CEP63: variants seen among roughly 807,000 people sequenced by gnomAD.
CEP63 encodes the protein centrosomal protein of 63 kDa.
A neutral mutation model predicts 89.1 loss-of-function variants in CEP63; 84 were observed. The ratio of observed to expected loss-of-function variants is 0.94; its 90% CI spans 0.79 to 1.13. CEP63 has a LOEUF of 1.13. Ranked by LOEUF, CEP63 falls within the 50% of genes most tolerant of loss-of-function variation. The probability of loss-of-function intolerance (pLI) is 0.00; values close to 1 mark genes in which losing one functional copy is unlikely to be tolerated. For synonymous variants in CEP63, 267 were observed against 272.5 expected, an observed-to-expected ratio of 0.98 and a Z score of 0.20; for missense variants, 838 against 813.3, an observed-to-expected ratio of 1.03 and a Z score of -0.37.
the CEP63 span, among the ~76,000 whole-genome samples, chr3:134,668,441 G>C: frequency 2.6e-5 from 4 of 152,170 alleles, no homozygotes; most frequent in Non-Finnish European, 5.9e-5. Context: ...GATAGAGAAA[G>C]GCTGTCCAGG....
chr3:134,498,560 C>T (rs1036316795), intron 2 of CEP63, among the ~76,000 whole-genome samples: 1 of 152,022 alleles, frequency 6.6e-6, no homozygotes, highest in Non-Finnish European at 1.5e-5. Flanking sequence ...TTTTTCTTGC[C>T]TGATTGCTCT....
chr3:134,707,104 G>A, the CEP63 span, among the ~76,000 whole-genome samples: 29 of 152,250 alleles, frequency 1.9e-4, no homozygotes, highest in South Asian at 8.3e-4. Context: ...CAACCACTAC[G>A]GTCTCAAATT....
At chr3:134,585,870 G>A (rs1385239237) in intron 10 of CEP63, among the ~76,000 whole-genome samples, 8 of 152,092 alleles carry the variant, frequency 5.3e-5, no homozygotes, top group South Asian at 2.1e-4. Flanking sequence ...ATGAATCTGG[G>A]TGCTCCTGTA....
downstream of CEP63, among the ~76,000 whole-genome samples, chr3:134,591,135 T>G (rs13088413): frequency 6.6e-6 from 1 of 152,046 alleles, no homozygotes; most frequent in Admixed American, 6.5e-5. Flanking sequence ...ACTCTCACCC[T>G]TGATTGAGAT....
At chr3:134,608,895 C>T in the CEP63 span, 19 of 1,551,414 alleles carry the variant, frequency 1.2e-5, no homozygotes, top group Admixed American at 2.8e-4. Flanking sequence ...GGCAGGGGCC[C>T]AATACACCCA....
the CEP63 span, among the ~76,000 whole-genome samples, chr3:134,683,360 G>A: frequency 6.6e-6 from 1 of 152,142 alleles, no homozygotes; most frequent in Non-Finnish European, 1.5e-5. Context: ...GAGCTGGAAG[G>A]GACCTAGGAG....
At chr3:134,646,071 C>T in the CEP63 span, among the ~76,000 whole-genome samples, 2 of 152,030 alleles carry the variant, frequency 1.3e-5, no homozygotes, top group Non-Finnish European at 2.9e-5. Flanking sequence ...GCTTGCTTGC[C>T]CACTCACCAG....
the CEP63 span, among the ~76,000 whole-genome samples, chr3:134,604,964 C>G: frequency 3.3e-5 from 5 of 152,154 alleles, no homozygotes; most frequent in African/African-American, 1.2e-4. Context: ...GCTTCACTCC[C>G]TGAGACTGTG....
At chr3:134,629,772 A>G in the CEP63 span, 1 of 844,078 alleles carries the variant, frequency 1.2e-6, no homozygotes, top group Non-Finnish European at 2.0e-6. Flanking sequence ...TGATGATTGA[A>G]TAAAAAAACA....
At chr3:134,758,395 G>A in the CEP63 span, among the ~76,000 whole-genome samples, 1 of 152,210 alleles carries the variant, frequency 6.6e-6, no homozygotes, top group Non-Finnish European at 1.5e-5. Context: ...CCCTTAGGGT[G>A]TTGTAGTCGT....
Position 134,532,850 on chromosome 3 carries a change from A to G in CEP63, c.391A>G (p.Asn131Asp). 6.2e-7 allele frequency: 1 copy of G among 1,613,868 alleles called. No individual in the cohort carries two copies. Among genetic ancestry groups the G allele is most frequent in the Non-Finnish European group, 8.5e-7 (1 of 1,179,836 alleles). Residue 131 changes from asparagine (N) to aspartate (D), a missense_variant, in exon 5 of 15, where the codon AAT becomes GAT. Asn to Asp is a conservative substitution (Grantham distance 23). Transcript: ENST00000675561. The part of the protein sequence containing the change: ...QMREFRGNTK[N>D]HREDRSEIER... The stretch of plus-strand genomic sequence containing the variant: ...GAGGGAATTCAGAGGAAATACCAAA[A>G]ATCACAGGGAAGATCGGTCTGAAAT...
chr3:134,757,041 G>A, the CEP63 span, among the ~76,000 whole-genome samples: 7 of 152,266 alleles, frequency 4.6e-5, no homozygotes, highest in African/African-American at 1.4e-4. Context: ...CTGCTCTCAG[G>A]TTCTGAGCCT....
intron 14 of CEP63, among the ~76,000 whole-genome samples, chr3:134,559,846 T>G (rs1198047931): frequency 2.0e-5 from 3 of 152,186 alleles, no homozygotes; most frequent in African/African-American, 7.2e-5. Context: ...GCCTCTGATG[T>G]GTGCAGAGCA....
chr3:134,542,389 A>G (rs1206939855), intron 6 of CEP63, among the ~76,000 whole-genome samples: 4 of 152,180 alleles, frequency 2.6e-5, no homozygotes, highest in Non-Finnish European at 4.4e-5. Flanking sequence ...AAAAGTTCGT[A>G]GTAGCATAGA....
At chr3:134,535,622 T>TGACA (rs1334808813) in intron 5 of CEP63, 1 of 152,126 alleles carries the variant, frequency 6.6e-6, no homozygotes, top group East Asian at 1.9e-4. Flanking sequence ...CGCCTCTTCA[T>TGACA]GACAGAATAA....
At chr3:134,608,689 C>G in the CEP63 span, 1 of 1,614,050 alleles carries the variant, frequency 6.2e-7, no homozygotes, top group South Asian at 1.1e-5. Context: ...CACTCAGCAT[C>G]CCTTTGTTGT....
the CEP63 span, among the ~76,000 whole-genome samples, chr3:134,744,513 C>T: frequency 1.1e-4 from 17 of 152,186 alleles, no homozygotes; most frequent in Non-Finnish European, 2.2e-4. Flanking sequence ...ACTTCTCTCT[C>T]TTCAAAGCAT....
chr3:134,568,000 G>C (rs1042456942), downstream of CEP63, among the ~76,000 whole-genome samples: 12 of 152,208 alleles, frequency 7.9e-5, no homozygotes, highest in Admixed American at 7.2e-4. Flanking sequence ...GCATGACTGG[G>C]CAAAGTAAAG....
rs374940086 is a variant in CEP63 at position 134,574,865 on chromosome 3, C to A, written c.1402C>A (p.Pro468Thr). 1.9e-5 allele frequency: 11 copies of A among 580,810 alleles called. 1 individual carries two copies. Among genetic ancestry groups the A allele is most frequent in the African/African-American group, 1.9e-4 (10 of 52,886 alleles). The allele number at this position is 580,810 out of a possible 1,614,324, so 36.0% of individuals were successfully genotyped here. A position where few individuals can be genotyped will look rare whatever the true frequency, so the allele number is the denominator to read the frequency against. ...TCAAGCAATCCGCCAGCCTCAGCGT[C>A]CCAAAGTGCTGGAATTACAAGTGTG... Residue 468 changes from proline (P) to threonine (T), a missense_variant, in exon 12 of 12, where the codon CCC becomes ACC. Physicochemically the swap from Pro to Thr is conservative, Grantham distance 38. Coordinates refer to the CEP63 transcript ENST00000354446.
Sources: allele counts gnomAD v4.1 joint callset (sites outside exome capture counted in the v4.1 genomes callset), GRCh38; gene constraint gnomAD v4.1.1; transcripts MANE v1.5; gene names NCBI Gene and HGNC (gene_info 2026-07-23, HGNC 2026-07-21).